The following SNTG1 variants were observed in gnomAD, a reference collection of about 807,000 sequenced individuals.
SNTG1 encodes syntrophin gamma 1, also known as gamma-1-syntrophin.
SNTG1 carries 39 observed loss-of-function variants against 74.7 expected under a neutral mutation model. The ratio of observed to expected loss-of-function variants is 0.52; its 90% CI spans 0.40 to 0.68. The LOEUF is 0.68. Among genes scored for constraint, SNTG1 ranks in the 30% least tolerant of loss-of-function variants. The probability of loss-of-function intolerance (pLI) is 0.00; values close to 1 mark genes in which losing one functional copy is unlikely to be tolerated. For synonymous variants in SNTG1, 254 were observed against 217.1 expected, an observed-to-expected ratio of 1.17 and a Z score of -1.49; for missense variants, 685 against 609.5, an observed-to-expected ratio of 1.12 and a Z score of -1.30.
chr8:50,608,072 T>A (rs1317463571), intron 13 of SNTG1, among the ~76,000 whole-genome samples: 1 of 151,806 alleles, frequency 6.6e-6, no homozygotes, highest in African/African-American at 2.4e-5. Flanking sequence ...TCAGAGAACA[T>A]ATTTCACGTG....
At chr8:50,652,950 A>C (rs886337123) in intron 13 of SNTG1, among the ~76,000 whole-genome samples, 1 of 151,984 alleles carries the variant, frequency 6.6e-6, no homozygotes, top group African/African-American at 2.4e-5. Context: ...TGTTTGCCTT[A>C]GATCTACGTT....
intron 4 of SNTG1, among the ~76,000 whole-genome samples, chr8:50,405,403 A>G (rs1177767688): frequency 6.6e-6 from 1 of 152,098 alleles, no homozygotes; most frequent in Non-Finnish European, 1.5e-5. Flanking sequence ...TCAATTAATA[A>G]TGTAGAGCAT....
intron 2 of SNTG1, among the ~76,000 whole-genome samples, chr8:50,174,330 C>T (rs1174044576): frequency 1.3e-5 from 2 of 152,100 alleles, no homozygotes; most frequent in African/African-American, 2.4e-5. Context: ...CAGAATGATT[C>T]CTAATCCTTT....
At chr8:50,623,105 G>C in intron 13 of SNTG1, among the ~76,000 whole-genome samples, 1 of 152,046 alleles carries the variant, frequency 6.6e-6, no homozygotes, top group East Asian at 1.9e-4. Context: ...GTACATGTAA[G>C]ATCATCTTTT....
chr8:50,048,811 G>A (rs1819319614), intron 1 of SNTG1, among the ~76,000 whole-genome samples: 1 of 152,034 alleles, frequency 6.6e-6, no homozygotes, highest in African/African-American at 2.4e-5. Context: ...AATTAGTTTA[G>A]CATTGATGTG....
At chr8:50,394,024 G>T (rs1385330143) in intron 2 of SNTG1, among the ~76,000 whole-genome samples, 188 bp from the exon 3 acceptor site, 1 of 152,178 alleles carries the variant, frequency 6.6e-6, no homozygotes, top group Non-Finnish European at 1.5e-5. Flanking sequence ...CCTAAAAGCT[G>T]GGGATTAAGA....
chr8:50,512,539 A>G (rs566778698), intron 9 of SNTG1, among the ~76,000 whole-genome samples: 6 of 152,220 alleles, frequency 3.9e-5, no homozygotes, highest in African/African-American at 1.4e-4. Flanking sequence ...TCTCCCCATT[A>G]CTTTCAGGTA....
At position 50,777,685 on chromosome 8, in the gene SNTG1, C is replaced by CT. The variant is rs1372391300; in HGVS notation, c.1396-14978dup. ...GAGTTTTCTTTTTTTCTCTCTCTCT[C>CT]TTTTTTTTAATTTTTTAAATTTTAT... is the stretch of plus-strand genomic sequence containing the variant. On this transcript the variant is annotated intron_variant, in intron 18 of 18. Transcript: ENST00000642720. Among the ~76,000 whole-genome samples, 6 of 150,580 alleles carry CT rather than the reference C, an allele frequency of 4.0e-5. No homozygotes were observed. In the South Asian group the frequency reaches 8.3e-4, roughly 21 times the overall value.
intron 1 of SNTG1, among the ~76,000 whole-genome samples, chr8:49,979,288 C>T (rs545373680): frequency 3.3e-5 from 5 of 152,248 alleles, no homozygotes; most frequent in African/African-American, 1.2e-4. Context: ...CCCGCACCGC[C>T]GCCTGCCCCG....
chr8:50,116,240 T>G (rs1173556894), intron 1 of SNTG1, among the ~76,000 whole-genome samples: 1 of 152,144 alleles, frequency 6.6e-6, no homozygotes, highest in Non-Finnish European at 1.5e-5. Context: ...CCCTGAAACA[T>G]AACTAACACC....
rs1348737356 is a variant in SNTG1, at chr8:50,402,316, G to A, written c.134G>A (p.Cys45Tyr). The change falls in exon 4 of 19, where the codon TGT becomes TAT. Residue 45 changes from cysteine to tyrosine, a missense_variant. Physicochemically the swap from Cys to Tyr is radical, Grantham distance 194. Coordinates refer to ENST00000642720, the MANE Select transcript of SNTG1 (RefSeq NM_018967.5). ...ILMIQEQDVI[C>Y]VSGEPFYSGE... Reference sequence around the variant, plus strand: ...ATGATCCAGGAACAGGATGTGATATGTGTGTCTGGTGAGCCTTTCTATTCT... The same window carrying A: ...ATGATCCAGGAACAGGATGTGATATATGTGTCTGGTGAGCCTTTCTATTCT... The A allele has an allele frequency of 6.2e-7, 1 of 1,609,728 alleles. No homozygotes were observed.
At chr8:50,564,628 G>T (rs2094505974) in intron 12 of SNTG1, among the ~76,000 whole-genome samples, 1 of 152,052 alleles carries the variant, frequency 6.6e-6, no homozygotes, top group Admixed American at 6.6e-5. Context: ...CAAAGACTGA[G>T]ATTTTAGTGT....
intron 2 of SNTG1, among the ~76,000 whole-genome samples, chr8:50,273,570 G>T (rs144409364): frequency 1.3e-5 from 2 of 152,130 alleles, no homozygotes; most frequent in African/African-American, 4.8e-5. Flanking sequence ...AAAGTTGTTC[G>T]GTGTCATGGG....
intron 1 of SNTG1, among the ~76,000 whole-genome samples, chr8:50,157,278 A>G (rs910074397): frequency 6.6e-6 from 1 of 152,106 alleles, no homozygotes; most frequent in African/African-American, 2.4e-5. Context: ...AAATCAGAAG[A>G]GTGACTGTGC....
chr8:49,912,440 G>C (rs945050100), intron 1 of SNTG1, among the ~76,000 whole-genome samples: 21 of 152,080 alleles, frequency 1.4e-4, no homozygotes, highest in Admixed American at 2.0e-4. Context: ...TAAACTTTTA[G>C]CTGGCCATTT....
intron 8 of SNTG1, chr8:50,458,010 A>G (rs2093522971): frequency 1.3e-5 from 2 of 152,216 alleles, no homozygotes; most frequent in African/African-American, 4.8e-5. Context: ...CAAATAGTAC[A>G]TTTGGACTCT....
At chr8:50,053,623 T>TTTTGTGTGTGTG (rs771636923) in intron 1 of SNTG1, among the ~76,000 whole-genome samples, 1 of 134,430 alleles carries the variant, frequency 7.4e-6, no homozygotes. Flanking sequence ...ATATATATAA[T>TTTTGTGTGTGTG]TGTGTGTGTG....
chr8:49,937,509 A>G (rs1280346658), intron 1 of SNTG1, among the ~76,000 whole-genome samples: 1 of 152,234 alleles, frequency 6.6e-6, no homozygotes, highest in Admixed American at 6.5e-5. Flanking sequence ...TTCAAGGTGA[A>G]CTAGAACATT....
chr8:50,154,563 A>T (rs1219829450), intron 1 of SNTG1, among the ~76,000 whole-genome samples: 1 of 152,206 alleles, frequency 6.6e-6, no homozygotes, highest in Non-Finnish European at 1.5e-5. Flanking sequence ...CCAAGAGGGC[A>T]AGGTATATGT....
Sources: allele counts gnomAD v4.1 joint callset (sites outside exome capture counted in the v4.1 genomes callset), GRCh38; gene constraint gnomAD v4.1.1; transcripts MANE v1.5; gene names NCBI Gene and HGNC (gene_info 2026-07-23, HGNC 2026-07-21).